The following HDAC9 variants were observed in gnomAD, a reference collection of about 807,000 sequenced individuals.
HDAC9 encodes histone deacetylase 9, also known as MEF-2 interacting transcription repressor (MITR) protein.
Under a neutral mutation model 139.4 loss-of-function variants are expected in HDAC9, and 41 were observed. That is an observed-to-expected ratio of 0.29 (90% confidence interval 0.23 to 0.38). The LOEUF is 0.38. Among genes scored for constraint, HDAC9 ranks in the 10% least tolerant of loss-of-function variants. The pLI, the probability that HDAC9 is intolerant of heterozygous loss-of-function variation, is 1.00. For synonymous variants in HDAC9, 517 were observed against 476.2 expected (o/e 1.09, Z -1.12); for missense variants, 1,147 against 1,297.0 (o/e 0.88, Z 1.78).
intron 12 of HDAC9, among the ~76,000 whole-genome samples, chr7:18,726,780 T>C (rs1230823023): frequency 6.6e-6 from 1 of 151,570 alleles, no homozygotes; most frequent in Non-Finnish European, 1.5e-5. Flanking sequence ...TACCTTTTTT[T>C]GCACAAAGCT....
At chr7:18,296,952 T>C (rs1798191120) in intron 1 of HDAC9, among the ~76,000 whole-genome samples, 1 of 152,164 alleles carries the variant, frequency 6.6e-6, no homozygotes, top group African/African-American at 2.4e-5. Flanking sequence ...GTGCCTTCTT[T>C]CAGGAAGATT....
chr7:18,749,596 T>C (rs559008247), intron 14 of HDAC9, among the ~76,000 whole-genome samples: 2 of 152,236 alleles, frequency 1.3e-5, no homozygotes, highest in South Asian at 4.1e-4. Context: ...AAATGATTGA[T>C]GTGTTTATAA....
At chr7:18,959,625 G>C (rs1247167450) in intron 24 of HDAC9, among the ~76,000 whole-genome samples, 1 of 152,118 alleles carries the variant, frequency 6.6e-6, no homozygotes, top group African/African-American at 2.4e-5. Flanking sequence ...ATGTGACAAT[G>C]AGCAAGCCAC....
chr7:18,356,513 T>A (rs769053353), intron 1 of HDAC9, among the ~76,000 whole-genome samples: 8 of 151,980 alleles, frequency 5.3e-5, no homozygotes, highest in Non-Finnish European at 1.0e-4. Flanking sequence ...TGCGAATGAA[T>A]CCTCCCTTCC....
chr7:18,142,435 C>T lies in HDAC9; in HGVS notation c.-96-19794C>T, dbSNP rs1281177098. Among the ~76,000 whole-genome samples the T allele has an allele frequency of 2.0e-5, 3 of 152,126 alleles. No individual in the cohort carries two copies. In the East Asian group the frequency reaches 5.8e-4, roughly 29 times the overall value. ...GGTTCTTCTCCCTATTAAAAAAATA[C>T]ACGTTTGAAGATGAAATATACTGGA... On this transcript the variant is annotated intron_variant, in intron 1 of 12. Coordinates refer to the HDAC9 transcript ENST00000417496.
At chr7:18,456,732 A>G (rs182225786) in intron 1 of HDAC9, among the ~76,000 whole-genome samples, 6 of 152,316 alleles carry the variant, frequency 3.9e-5, no homozygotes, top group East Asian at 3.9e-4. Context: ...GGGAATAACA[A>G]TCCTTACTGT....
At chr7:18,566,667 C>T (rs371018767) in intron 2 of HDAC9, among the ~76,000 whole-genome samples, 3 of 152,258 alleles carry the variant, frequency 2.0e-5, no homozygotes, top group South Asian at 2.1e-4. Flanking sequence ...GAACTGGAGA[C>T]GCAGTGTTCT....
chr7:18,486,985 G>A lies in HDAC9; in HGVS notation c.-41-9277G>A, dbSNP rs113013569. On this transcript the variant is annotated intron_variant, in intron 1 of 3. Coordinates refer to the HDAC9 transcript ENST00000413509. ...CTTTGCCAAGGAGATCATCTTTGGAGAGTGTTTTGGGGGATGAAAAGGATT... is the reference window on the plus strand; with the variant it reads ...CTTTGCCAAGGAGATCATCTTTGGAAAGTGTTTTGGGGGATGAAAAGGATT... 7.1e-3 allele frequency among the ~76,000 whole-genome samples: 1,079 copies of A among 152,188 alleles called. 11 individuals are homozygous for A. The highest frequency in any genetic ancestry group is 0.025 in the African/African-American group (1,018 of 41,544).
chr7:18,546,480 G>C (rs1814872655), intron 2 of HDAC9, among the ~76,000 whole-genome samples: 1 of 152,124 alleles, frequency 6.6e-6, no homozygotes, highest in African/African-American at 2.4e-5. Flanking sequence ...TTGACACAAG[G>C]AGATACTCAA....
intron 1 of HDAC9, among the ~76,000 whole-genome samples, chr7:18,308,092 C>T (rs1304831949): frequency 6.6e-6 from 1 of 152,260 alleles, no homozygotes; most frequent in South Asian, 2.1e-4. Flanking sequence ...TGTTTTCAAA[C>T]TCAAATGTAA....
intron 6 of HDAC9, among the ~76,000 whole-genome samples, chr7:18,602,992 A>G (rs537217939): frequency 4.6e-5 from 7 of 152,218 alleles, no homozygotes; most frequent in African/African-American, 1.4e-4. Flanking sequence ...TTAGGAGCAT[A>G]CATATTAAGG....
chr7:18,967,102 A>G (rs1192487714), intron 24 of HDAC9, among the ~76,000 whole-genome samples: 1 of 152,214 alleles, frequency 6.6e-6, no homozygotes, highest in African/African-American at 2.4e-5. Context: ...CACTGAAGAC[A>G]CAATGCTGTT....
At chr7:18,619,197 A>C (rs542954279) in intron 6 of HDAC9, among the ~76,000 whole-genome samples, 1 of 152,128 alleles carries the variant, frequency 6.6e-6, no homozygotes, top group African/African-American at 2.4e-5. Flanking sequence ...AGAAAAGAGA[A>C]ATTCCTTCTG....
chr7:18,845,553 GT>G (rs1169863285), intron 21 of HDAC9, among the ~76,000 whole-genome samples: 1 of 152,072 alleles, frequency 6.6e-6, no homozygotes, highest in Non-Finnish European at 1.5e-5. Flanking sequence ...TTGTTTAATT[GT>G]TTGCTTTGGT....
At chr7:18,639,084 T>C (rs1784772424) in intron 8 of HDAC9, among the ~76,000 whole-genome samples, 1 of 152,080 alleles carries the variant, frequency 6.6e-6, no homozygotes, top group African/African-American at 2.4e-5. Context: ...TGCTATTTTT[T>C]AAAATAAATT....
chr7:18,769,606 G>C (rs1431329346), intron 16 of HDAC9, among the ~76,000 whole-genome samples: 2 of 152,042 alleles, frequency 1.3e-5, no homozygotes, highest in African/African-American at 4.8e-5. Context: ...TTGTGAACTA[G>C]TTTGACTCAG....
intron 23 of HDAC9, among the ~76,000 whole-genome samples, chr7:18,948,154 C>T (rs542010661): frequency 3.8e-4 from 58 of 151,796 alleles, no homozygotes; most frequent in African/African-American, 1.3e-3. Context: ...TCTTTTAAAT[C>T]GAAAACAAGA....
chr7:18,415,228 C>T lies in HDAC9; in HGVS notation c.-41-81034C>T, dbSNP rs146122473. On this transcript the variant is annotated intron_variant, in intron 1 of 3. Coordinates refer to the HDAC9 transcript ENST00000413509. ...TGCTGATAGACTGTGATGTAGTTCTCGATGGCTTAAAGTGTATGTGTTTTT... is the reference window on the plus strand; with the variant it reads ...TGCTGATAGACTGTGATGTAGTTCTTGATGGCTTAAAGTGTATGTGTTTTT... Among the ~76,000 whole-genome samples the T allele has an allele frequency of 3.2e-3, 484 of 152,266 alleles. 1 individual carries two copies. Among genetic ancestry groups the T allele is most frequent in the Non-Finnish European group, 5.5e-3 (376 of 68,014 alleles).
chr7:18,760,716 G>A (rs377448280), intron 14 of HDAC9, among the ~76,000 whole-genome samples: 1 of 152,140 alleles, frequency 6.6e-6, no homozygotes, highest in Admixed American at 6.6e-5. Flanking sequence ...CTCCCTTCCT[G>A]TTACCCCTGC....
Sources: allele counts gnomAD v4.1 joint callset (sites outside exome capture counted in the v4.1 genomes callset), GRCh38; gene constraint gnomAD v4.1.1; transcripts MANE v1.5; gene names NCBI Gene and HGNC (gene_info 2026-07-23, HGNC 2026-07-21).